LRMDA: variants seen among roughly 807,000 people sequenced by gnomAD.
The protein encoded by LRMDA is leucine-rich melanocyte differentiation-associated protein.
Under a neutral mutation model 29.8 loss-of-function variants are expected in LRMDA, and 18 were observed. That is an observed-to-expected ratio of 0.60 (90% CI 0.42 to 0.90). The LOEUF (loss-of-function observed/expected upper bound fraction) is 0.90, where lower values mean the gene tolerates loss of function less well. Ranked by LOEUF, LRMDA falls within the 40% of genes least tolerant of loss-of-function variation. LRMDA has a pLI of 0.00. For synonymous variants in LRMDA, 125 were observed against 109.4 expected (o/e 1.14, Z -0.89); for missense variants, 273 against 273.9 (o/e 1.00, Z 0.02).
intron 6 of LRMDA, among the ~76,000 whole-genome samples, chr10:76,429,999 T>G (rs561147272): frequency 6.6e-6 from 1 of 152,388 alleles, no homozygotes; most frequent in Admixed American, 6.5e-5. Flanking sequence ...TTGGAACATT[T>G]ATATTTCCAT....
chr10:75,731,985 A>G (rs1339586549), intron 2 of LRMDA, among the ~76,000 whole-genome samples: 3 of 152,178 alleles, frequency 2.0e-5, no homozygotes, highest in African/African-American at 7.2e-5. Context: ...GATTATCTGC[A>G]TTTTCTACCT....
At chr10:76,365,107 T>TATATATCTATACACACAC (rs141131236) in intron 6 of LRMDA, among the ~76,000 whole-genome samples, 1 of 61,202 alleles carries the variant, frequency 1.6e-5, no homozygotes, top group Admixed American at 1.8e-4. Flanking sequence ...TATATATATA[T>TATATATCTATACACACAC]ACACACACAC....
intron 5 of LRMDA, among the ~76,000 whole-genome samples, chr10:76,180,329 C>T (rs1378740860): frequency 1.4e-5 from 2 of 146,362 alleles, no homozygotes; most frequent in African/African-American, 2.6e-5. Context: ...ACTGTCACCC[C>T]GGCTGGAGTG....
At chr10:75,615,457 C>A (rs4746314) in intron 2 of LRMDA, among the ~76,000 whole-genome samples, 10,880 of 152,042 alleles carry the variant, frequency 0.072, 1,177 homozygotes, top group African/African-American at 0.24. Context: ...AATTGGTGCT[C>A]AAAAATTTTT....
At chr10:75,898,766 T>G (rs1292603918) in intron 2 of LRMDA, among the ~76,000 whole-genome samples, 1 of 152,222 alleles carries the variant, frequency 6.6e-6, no homozygotes, top group Non-Finnish European at 1.5e-5. Flanking sequence ...TAGTCCAAGG[T>G]ACAGACTAAT....
At chr10:75,707,038 A>G (rs1842378714) in intron 2 of LRMDA, among the ~76,000 whole-genome samples, 1 of 152,190 alleles carries the variant, frequency 6.6e-6, no homozygotes, top group Non-Finnish European at 1.5e-5. Flanking sequence ...CTCAAGTCAC[A>G]ATACATAGTT....
intron 5 of LRMDA, among the ~76,000 whole-genome samples, chr10:76,137,637 T>C (rs1470442861): frequency 6.6e-6 from 1 of 152,150 alleles, no homozygotes; most frequent in Non-Finnish European, 1.5e-5. Context: ...GCCCTTCCTT[T>C]GTGAAATGGA....
At chr10:75,940,957 A>G (rs935520942) in intron 2 of LRMDA, among the ~76,000 whole-genome samples, 7 of 152,118 alleles carry the variant, frequency 4.6e-5, no homozygotes, top group African/African-American at 1.7e-4. Context: ...TCTGGGTAAC[A>G]AACACATTTT....
chr10:75,827,711 T>C (rs1469930848), intron 2 of LRMDA, among the ~76,000 whole-genome samples: 2 of 152,246 alleles, frequency 1.3e-5, no homozygotes, highest in African/African-American at 2.4e-5. Context: ...CTGTTTTCAA[T>C]AATTCCTCGC....
chr10:75,964,217 T>G (rs1846817839), intron 2 of LRMDA, among the ~76,000 whole-genome samples: 2 of 152,180 alleles, frequency 1.3e-5, no homozygotes, highest in Admixed American at 6.5e-5. Flanking sequence ...TGTTCATTAT[T>G]TATAGCTATT....
At chr10:76,178,962 A>C (rs1407328246) in intron 5 of LRMDA, among the ~76,000 whole-genome samples, 2 of 152,184 alleles carry the variant, frequency 1.3e-5, no homozygotes, top group East Asian at 1.9e-4. Flanking sequence ...GTTTGTTCAC[A>C]AGAGAACCCA....
chr10:75,502,998 G>A lies in LRMDA; in HGVS notation c.131+64504G>A, dbSNP rs78178866. Among the ~76,000 whole-genome samples, 430 of 152,228 alleles carry A rather than the reference G, an allele frequency of 2.8e-3. 6 individuals are homozygous for A. The highest frequency in any genetic ancestry group is 0.01 in the African/African-American group (418 of 41,542). ...ACAGCAACACCTATTTGTATCATTT[G>A]CTTCCCTTCTCACACTGAACCTGAG... On this transcript the variant is annotated intron_variant, in intron 2 of 6. Transcript: ENST00000611255.
chr10:76,234,994 G>A (rs1852125871), intron 5 of LRMDA, among the ~76,000 whole-genome samples: 1 of 152,144 alleles, frequency 6.6e-6, no homozygotes, highest in African/African-American at 2.4e-5. Flanking sequence ...TTGGCTAATC[G>A]TTTGGTATAA....
chr10:75,544,930 T>C (rs1382339500), intron 2 of LRMDA, among the ~76,000 whole-genome samples: 2 of 152,236 alleles, frequency 1.3e-5, no homozygotes, highest in African/African-American at 4.8e-5. Flanking sequence ...CATTTAATTA[T>C]TTGATTACAT....
At chr10:75,465,728 C>T (rs1220451402) in intron 2 of LRMDA, among the ~76,000 whole-genome samples, 3 of 152,146 alleles carry the variant, frequency 2.0e-5, no homozygotes, top group Non-Finnish European at 4.4e-5. Context: ...TTTCATCCTT[C>T]CCCCCTTCCC....
At chr10:75,452,988 A>G (rs995966065) in intron 2 of LRMDA, among the ~76,000 whole-genome samples, 1 of 152,230 alleles carries the variant, frequency 6.6e-6, no homozygotes, top group Admixed American at 6.5e-5. Flanking sequence ...AAATTATTTT[A>G]GTAAATGTGG....
At chr10:75,863,898 A>G (rs1395254047) in intron 2 of LRMDA, among the ~76,000 whole-genome samples, 1 of 152,112 alleles carries the variant, frequency 6.6e-6, no homozygotes, top group Non-Finnish European at 1.5e-5. Flanking sequence ...CCCATATATT[A>G]TTTTTTAATG....
In LRMDA at chr10:76,314,889, A is replaced by C. The variant is rs1037091272; in HGVS notation, c.517-9512A>C. Among the ~76,000 whole-genome samples the C allele has an allele frequency of 1.2e-4, 18 of 152,272 alleles. No individual in the cohort carries two copies. The East Asian group carries it at 2.3e-3, about 20-fold the overall frequency. On this transcript the variant is annotated intron_variant, in intron 5 of 6. Transcript: ENST00000611255. ...CTTTCATGTATTATTAAATAAGTTG[A>C]TAGTTTTATTTACTTAGCACGCCAC...
chr10:76,493,362 T>G lies in LRMDA; in HGVS notation c.602-63847T>G, dbSNP rs118080965. ...CAAGGGCTCTTGGGTCAGCTTGTGG[T>G]GAATGCTGCCAGGCCTGGGACCCAT... On this transcript the variant is annotated intron_variant, in intron 6 of 6. Transcript: ENST00000611255. 8.6e-5 allele frequency among the ~76,000 whole-genome samples: 13 copies of G among 151,992 alleles called. No individual in the cohort carries two copies. In the East Asian group the frequency reaches 2.5e-3, roughly 30 times the overall value.
Sources: allele counts gnomAD v4.1 joint callset (sites outside exome capture counted in the v4.1 genomes callset), GRCh38; gene constraint gnomAD v4.1.1; transcripts MANE v1.5; gene names NCBI Gene and HGNC (gene_info 2026-07-23, HGNC 2026-07-21).